ELAPOR2: variants seen among roughly 807,000 people sequenced by gnomAD.
ELAPOR2 encodes endosome-lysosome associated apoptosis and autophagy regulator family member 2.
In ELAPOR2, 89 loss-of-function variants were observed where a neutral mutation model predicts 120.7. The ratio of observed to expected loss-of-function variants is 0.74; its 90% CI spans 0.62 to 0.88. The LOEUF is 0.88. Ranked by LOEUF, ELAPOR2 falls within the 40% of genes least tolerant of loss-of-function variation. ELAPOR2 has a pLI of 0.00. For missense variants in ELAPOR2, 1,134 were observed against 1,251.6 expected (o/e 0.91, Z 1.42); for synonymous variants, 444 against 444.9 (o/e 1.00, Z 0.03).
chr7:86,950,158 C>A (rs1172796682), intron 2 of ELAPOR2, among the ~76,000 whole-genome samples: 4 of 152,222 alleles, frequency 2.6e-5, no homozygotes, highest in African/African-American at 9.6e-5. Flanking sequence ...CTGAGACACC[C>A]TGCTTATGAA....
intron 5 of ELAPOR2, among the ~76,000 whole-genome samples, 176 bp from the exon 6 acceptor site, chr7:86,940,291 G>GA (rs1400376968): frequency 1.3e-5 from 2 of 151,288 alleles, no homozygotes; most frequent in Non-Finnish European, 1.5e-5. Context: ...TTTCTTAAAA[G>GA]AAAAAAAATG....
intron 1 of ELAPOR2, among the ~76,000 whole-genome samples, chr7:87,053,602 C>A (rs1229006529): frequency 1.3e-5 from 2 of 152,108 alleles, no homozygotes; most frequent in African/African-American, 4.8e-5. Context: ...ACAACTCATT[C>A]ATCTATATGG....
At position 86,893,118 on chromosome 7, in the gene ELAPOR2, T is replaced by C; in HGVS notation, c.2686-18A>G. ...AAGGTTTCCTTTAAAAAAAAAAACA[T>C]AAAACCATAGAAGACATGAGAAATG... On this transcript the variant is annotated intron_variant, in intron 19 of 21. Coordinates refer to ENST00000450689, the MANE Select transcript of ELAPOR2 (RefSeq NM_001142749.3). 6.8e-7 allele frequency: 1 copy of C among 1,473,986 alleles called. No homozygotes were observed. The highest frequency in any genetic ancestry group is 9.1e-7 in the Non-Finnish European group (1 of 1,099,584). 91.3% of individuals were successfully genotyped at this position (1,473,986 alleles called of 1,614,324 possible).
At chr7:86,911,725 A>G (rs1026116477) in intron 15 of ELAPOR2, 1 of 476,174 alleles carries the variant, frequency 2.1e-6, no homozygotes, top group Non-Finnish European at 4.2e-6. Context: ...AACATAAACA[A>G]CAGTAAAACT....
rs1391165424 is a variant in ELAPOR2, at chr7:87,059,494, C to T, written c.20G>A (p.Gly7Glu). 1.7e-6 allele frequency: 2 copies of T among 1,205,230 alleles called. No homozygotes were observed. Among genetic ancestry groups the T allele is most frequent in the Non-Finnish European group, 2.1e-6 (2 of 969,990 alleles). 74.7% of individuals were successfully genotyped at this position (1,205,230 alleles called of 1,614,324 possible). The part of the protein sequence containing the change: MLFRAR[G>E]PVRGRGWGRP... ...CCCCCAGCCCCTGCCCCGTACCGGC[C>T]CCCGGGCGCGGAACAGCATCTTCGT... The change falls in exon 1 of 22, where the codon GGG becomes GAG. Residue 7 changes from glycine to glutamate, a missense_variant. This residue lies in a region of ELAPOR2 where 280 missense variants were observed against 331.5 expected (regional missense o/e 0.84). Coordinates refer to ENST00000450689, the MANE Select transcript of ELAPOR2 (RefSeq NM_001142749.3).
At chr7:87,025,047 T>C (rs1562973216) in intron 1 of ELAPOR2, among the ~76,000 whole-genome samples, 5 of 151,474 alleles carry the variant, frequency 3.3e-5, no homozygotes, top group Admixed American at 2.6e-4. Context: ...GATTCCTCCA[T>C]ACTGTAGGTC....
rs959526268 is a variant in ELAPOR2 at position 86,907,655 on chromosome 7, T to C, written c.2558+15A>G. On this transcript the variant is annotated intron_variant, in intron 18 of 21. Coordinates refer to ENST00000450689, the MANE Select transcript of ELAPOR2 (RefSeq NM_001142749.3). ...TTCCTCATGGTAAACACAAATCATA[T>C]GGAAATAAGGATACCTGGGGACTGA... The C allele has an allele frequency of 4.0e-6, 6 of 1,489,288 alleles. No individual in the cohort carries two copies. Among genetic ancestry groups the C allele is most frequent in the Non-Finnish European group, 5.5e-6 (6 of 1,100,240 alleles). The allele number at this position is 1,489,288 out of a possible 1,614,324, so 92.3% of individuals were successfully genotyped here. A position where few individuals can be genotyped will look rare whatever the true frequency, so the allele number is the denominator to read the frequency against.
chr7:86,988,691 T>C (rs1372772034), intron 1 of ELAPOR2, among the ~76,000 whole-genome samples: 1 of 152,226 alleles, frequency 6.6e-6, no homozygotes, highest in Non-Finnish European at 1.5e-5. Flanking sequence ...AAAAAGTATG[T>C]GTCAAAACGA....
chr7:87,036,787 G>C (rs1347678333), intron 1 of ELAPOR2, among the ~76,000 whole-genome samples: 1 of 152,124 alleles, frequency 6.6e-6, no homozygotes, highest in Non-Finnish European at 1.5e-5. Context: ...TATTAGAAAG[G>C]AAAGGGAAAA....
intron 1 of ELAPOR2, among the ~76,000 whole-genome samples, chr7:87,004,387 A>G (rs1330995224): frequency 6.6e-6 from 1 of 152,176 alleles, no homozygotes; most frequent in East Asian, 1.9e-4. Flanking sequence ...CACGTTACTC[A>G]TTTCATTACG....
chr7:86,913,100 T>C lies in ELAPOR2; in HGVS notation c.1836A>G (p.Glu612=). Residue 612 remains glutamate (E), a synonymous_variant, in exon 14 of 22, where the codon GAA becomes GAG. Coordinates refer to ENST00000450689, the MANE Select transcript of ELAPOR2 (RefSeq NM_001142749.3). Reference sequence around the variant, plus strand: ...AGGGGACACACGATGAACCCGACTGTTCAGAACCGAGGGCACAGGCACGGC... The same window carrying C: ...AGGGGACACACGATGAACCCGACTGCTCAGAACCGAGGGCACAGGCACGGC... ...SSCRACALGS[E]QSGSSCVPCP... 1 of 1,614,072 alleles carries C rather than the reference T, an allele frequency of 6.2e-7. No individual in the cohort carries two copies. Among genetic ancestry groups the C allele is most frequent in the Non-Finnish European group, 8.5e-7 (1 of 1,180,000 alleles).
chr7:87,020,270 AT>A (rs1562970837), intron 1 of ELAPOR2, among the ~76,000 whole-genome samples: 1 of 152,156 alleles, frequency 6.6e-6, no homozygotes, highest in South Asian at 2.1e-4. Context: ...TAAATTTTCT[AT>A]CTTAAATATA....
At chr7:87,012,305 G>A (rs927433101) in intron 1 of ELAPOR2, among the ~76,000 whole-genome samples, 8 of 152,164 alleles carry the variant, frequency 5.3e-5, no homozygotes, top group Non-Finnish European at 1.2e-4. Context: ...AGCTACTCGG[G>A]AGGCTGAGCC....
Position 86,992,718 on chromosome 7 carries a change from T to C in ELAPOR2, c.190-27694A>G, listed in dbSNP as rs531288106. Among the ~76,000 whole-genome samples, 7 of 152,322 alleles carry C rather than the reference T, an allele frequency of 4.6e-5. 1 individual carries two copies. The highest frequency in any genetic ancestry group is 1.4e-4 in the African/African-American group (6 of 41,584). On this transcript the variant is annotated intron_variant, in intron 1 of 21. Coordinates refer to ENST00000450689, the MANE Select transcript of ELAPOR2 (RefSeq NM_001142749.3). ...TCTTTCCCAGTAGAGTCTGATCACATTAAATGAAAAGGTGAATTTATTTCT... is the reference window on the plus strand; with the variant it reads ...TCTTTCCCAGTAGAGTCTGATCACACTAAATGAAAAGGTGAATTTATTTCT...
Position 87,059,434 on chromosome 7 carries a change from G to A in ELAPOR2, c.80C>T (p.Pro27Leu), listed in dbSNP as rs967468803. ...PAEAPRRGRS[P>L]PWSPAWICCW... ...GCAAATCCAGGCGGGGCTCCAGGGCGGCGAGCGCCCGCGGCGGGGAGCCTC... is the reference window on the plus strand; with the variant it reads ...GCAAATCCAGGCGGGGCTCCAGGGCAGCGAGCGCCCGCGGCGGGGAGCCTC... Residue 27 changes from proline to leucine, a missense_variant, in exon 1 of 22, where the codon CCG becomes CTG. Pro to Leu is a moderately conservative substitution (Grantham distance 98). Transcript: ENST00000450689. The A allele has an allele frequency of 4.9e-6, 6 of 1,233,430 alleles. No homozygotes were observed. In the African/African-American group the frequency reaches 6.2e-5, roughly 13 times the overall value. The allele number at this position is 1,233,430 out of a possible 1,614,324, so 76.4% of individuals were successfully genotyped here.
chr7:86,959,047 A>C (rs1251373943), intron 2 of ELAPOR2, among the ~76,000 whole-genome samples: 2 of 150,750 alleles, frequency 1.3e-5, no homozygotes, highest in African/African-American at 4.9e-5. Flanking sequence ...ACCTTGTTTA[A>C]GTTTATTCTT....
At chr7:86,886,885 A>G (rs879932672) in intron 21 of ELAPOR2, among the ~76,000 whole-genome samples, 4 of 152,134 alleles carry the variant, frequency 2.6e-5, no homozygotes, top group Non-Finnish European at 5.9e-5. Context: ...GTTGAGCTGA[A>G]GCCCAGTGGT....
At chr7:86,996,854 C>G (rs1793141740) in intron 1 of ELAPOR2, among the ~76,000 whole-genome samples, 1 of 152,150 alleles carries the variant, frequency 6.6e-6, no homozygotes, top group African/African-American at 2.4e-5. Context: ...TCTTTTTATC[C>G]TAGATACATT....
intron 1 of ELAPOR2, among the ~76,000 whole-genome samples, chr7:86,984,973 A>G (rs1792661685): frequency 6.6e-6 from 1 of 152,178 alleles, no homozygotes; most frequent in Admixed American, 6.5e-5. Flanking sequence ...GAAGAATCAA[A>G]TAGAGGCAAT....
Sources: allele counts gnomAD v4.1 joint callset (sites outside exome capture counted in the v4.1 genomes callset), GRCh38; gene constraint gnomAD v4.1.1; regional missense constraint gnomAD v4.1.1; transcripts MANE v1.5; gene names NCBI Gene and HGNC (gene_info 2026-07-23, HGNC 2026-07-21).